The following MAGI2 variants were observed in gnomAD, a reference collection of about 807,000 sequenced individuals.
MAGI2 encodes the protein membrane-associated guanylate kinase, WW and PDZ domain-containing protein 2.
Under a neutral mutation model 133.3 loss-of-function variants are expected in MAGI2, and 35 were observed. The ratio of observed to expected loss-of-function variants is 0.26; its 90% confidence interval spans 0.20 to 0.35. MAGI2 has a LOEUF of 0.35. Among genes scored for constraint, MAGI2 ranks in the 10% least tolerant of loss-of-function variants. The probability of loss-of-function intolerance (pLI) is 1.00; values close to 1 mark genes in which losing one functional copy is unlikely to be tolerated. For missense variants in MAGI2, 1,636 were observed against 1,863.4 expected (o/e 0.88, Z 2.25); for synonymous variants, 729 against 710.6 (o/e 1.03, Z -0.41).
intron 1 of MAGI2, among the ~76,000 whole-genome samples, chr7:79,141,704 C>T (rs1822146398): frequency 6.6e-6 from 1 of 151,952 alleles, no homozygotes; most frequent in Non-Finnish European, 1.5e-5. Flanking sequence ...CTTGGTACCC[C>T]ATTATTCACC....
intron 2 of MAGI2, among the ~76,000 whole-genome samples, chr7:78,893,992 G>T (rs1796995884): frequency 6.6e-6 from 1 of 152,042 alleles, no homozygotes; most frequent in Non-Finnish European, 1.5e-5. Context: ...AAAGTTATAT[G>T]GCCAATAAAT....
At chr7:79,250,890 C>T (rs1453212860) in intron 1 of MAGI2, among the ~76,000 whole-genome samples, 2 of 152,128 alleles carry the variant, frequency 1.3e-5, no homozygotes, top group African/African-American at 4.8e-5. Flanking sequence ...GGCATAAAAA[C>T]AGACACATAG....
rs771918590 is a variant in MAGI2 at position 78,882,086 on chromosome 7, C to CAAAAAAAAAAAAAAAA, written c.418+124988_418+125003dup. On this transcript the variant is annotated intron_variant, in intron 2 of 21. Transcript: ENST00000354212. ...GCTAGATTAACAACAACAACAACAA[C>CAAAAAAAAAAAAAAAA]AAAAAAAAAAAAAAAAAAAAAAGAA... 4.8e-4 allele frequency among the ~76,000 whole-genome samples: 6 copies of CAAAAAAAAAAAAAAAA among 12,470 alleles called. 1 individual carries two copies. The highest frequency in any genetic ancestry group is 1.4e-3 in the Admixed American group (1 of 736). The allele number at this position is 12,470 out of a possible 152,430, so 8.2% of individuals were successfully genotyped here.
At chr7:79,109,390 C>T (rs972288115) in intron 1 of MAGI2, among the ~76,000 whole-genome samples, 2 of 152,150 alleles carry the variant, frequency 1.3e-5, no homozygotes, top group Admixed American at 1.3e-4. Flanking sequence ...CATGTTATGC[C>T]TTAGCAGAGG....
intron 6 of MAGI2, among the ~76,000 whole-genome samples, chr7:78,388,858 G>A (rs1028014462): frequency 2.0e-5 from 3 of 152,020 alleles, no homozygotes; most frequent in Admixed American, 6.6e-5. Context: ...TCAGAATCAC[G>A]TCGGTACTAC....
chr7:78,913,468 T>A (rs897771368), intron 2 of MAGI2, among the ~76,000 whole-genome samples: 2 of 152,158 alleles, frequency 1.3e-5, no homozygotes, highest in Admixed American at 1.3e-4. Context: ...GAAACCACTA[T>A]GCTTCCCATA....
intron 2 of MAGI2, among the ~76,000 whole-genome samples, chr7:78,766,077 G>A (rs991604655): frequency 2.0e-5 from 3 of 152,192 alleles, no homozygotes; most frequent in African/African-American, 4.8e-5. Flanking sequence ...CGGCATTTGA[G>A]CTTTTGTGGC....
rs77865898 is a variant in MAGI2, at chr7:78,046,922, A to G, written c.3707-26946T>C. On this transcript the variant is annotated intron_variant, in intron 21 of 21. Coordinates refer to ENST00000354212, the MANE Select transcript of MAGI2 (RefSeq NM_012301.4). Reference sequence around the variant, plus strand: ...AAACATATATGGACTGAATAATTTAAAAGTCATATATTACATGTTGGTTTA... The same window carrying G: ...AAACATATATGGACTGAATAATTTAGAAGTCATATATTACATGTTGGTTTA... Among the ~76,000 whole-genome samples the G allele has an allele frequency of 7.3e-3, 1,109 of 152,378 alleles. 14 individuals are homozygous for G. Among genetic ancestry groups the G allele is most frequent in the African/African-American group, 0.025 (1,031 of 41,584 alleles).
At chr7:78,980,115 T>C (rs2116156975) in intron 2 of MAGI2, among the ~76,000 whole-genome samples, 1 of 151,702 alleles carries the variant, frequency 6.6e-6, no homozygotes, top group South Asian at 2.1e-4. Flanking sequence ...TTCTGACTCT[T>C]CTAGTTATGA....
At chr7:78,499,340 G>C (rs190313338) in intron 5 of MAGI2, among the ~76,000 whole-genome samples, 1 of 152,074 alleles carries the variant, frequency 6.6e-6, no homozygotes, top group East Asian at 1.9e-4. Context: ...TCTATTGTAA[G>C]CTTTGGCTTC....
chr7:78,977,452 C>A (rs896586574), intron 2 of MAGI2, among the ~76,000 whole-genome samples: 1 of 127,778 alleles, frequency 7.8e-6, no homozygotes, highest in Non-Finnish European at 1.7e-5. Flanking sequence ...AAAGACCTTA[C>A]AATTTACAAA....
chr7:78,062,548 G>A (rs940957928), intron 21 of MAGI2, among the ~76,000 whole-genome samples: 5 of 152,090 alleles, frequency 3.3e-5, no homozygotes, highest in African/African-American at 1.2e-4. Context: ...TTTTCTCTCT[G>A]GTTCTCTTCC....
intron 1 of MAGI2, among the ~76,000 whole-genome samples, chr7:79,424,266 T>TC (rs1225961841): frequency 6.6e-6 from 1 of 151,988 alleles, no homozygotes; most frequent in African/African-American, 2.4e-5. Context: ...TTTTCTTTTT[T>TC]TTTTTAATTT....
At chr7:78,248,721 C>A (rs1792055803) in intron 10 of MAGI2, among the ~76,000 whole-genome samples, 1 of 152,054 alleles carries the variant, frequency 6.6e-6, no homozygotes, top group African/African-American at 2.4e-5. Flanking sequence ...AAAATCAAAT[C>A]AAAATGCATT....
chr7:78,741,822 G>T (rs529318462), intron 2 of MAGI2, among the ~76,000 whole-genome samples: 8 of 151,904 alleles, frequency 5.3e-5, no homozygotes, highest in Non-Finnish European at 1.0e-4. Flanking sequence ...TCTATATGAC[G>T]ACCTATACAT....
chr7:78,724,745 G>T (rs1170438692), intron 2 of MAGI2, among the ~76,000 whole-genome samples: 1 of 152,064 alleles, frequency 6.6e-6, no homozygotes, highest in South Asian at 2.1e-4. Flanking sequence ...CCTGAGATAT[G>T]CCAACACACT....
intron 21 of MAGI2, among the ~76,000 whole-genome samples, chr7:78,058,001 A>ATATATATATG (rs1812800971): frequency 9.0e-6 from 1 of 111,376 alleles, no homozygotes; most frequent in South Asian, 2.8e-4. Context: ...ATATATATAT[A>ATATATATATG]TATGTATGAG....
chr7:78,027,478 A>G (rs1337921423), intron 21 of MAGI2, among the ~76,000 whole-genome samples: 1 of 151,998 alleles, frequency 6.6e-6, no homozygotes. Context: ...AAATACAAAA[A>G]TTAGCCGGGT....
At chr7:79,170,957 TC>T (rs1446689690) in intron 1 of MAGI2, among the ~76,000 whole-genome samples, 1 of 152,166 alleles carries the variant, frequency 6.6e-6, no homozygotes, top group Non-Finnish European at 1.5e-5. Flanking sequence ...TACCTAAGAT[TC>T]TTTTTATTGG....
Sources: allele counts gnomAD v4.1 joint callset (sites outside exome capture counted in the v4.1 genomes callset), GRCh38; gene constraint gnomAD v4.1.1; transcripts MANE v1.5; gene names NCBI Gene and HGNC (gene_info 2026-07-23, HGNC 2026-07-21).